HSPBAP1: variants seen among roughly 807,000 people sequenced by gnomAD.
HSPBAP1 encodes the protein HSPB1 associated protein 1, also known as HSPB1-associated protein 1.
In HSPBAP1, 27 loss-of-function variants were observed where a neutral mutation model predicts 45.2. The ratio of observed to expected loss-of-function variants is 0.60; its 90% CI spans 0.44 to 0.82. The LOEUF (loss-of-function observed/expected upper bound fraction) is 0.82. HSPBAP1 is among the 40% of genes least tolerant of loss of function. The probability of loss-of-function intolerance (pLI) is 0.00; values close to 1 mark genes in which losing one functional copy is unlikely to be tolerated. For missense variants in HSPBAP1, 510 were observed against 590.9 expected (o/e 0.86, Z 1.42); for synonymous variants, 204 against 202.7 (o/e 1.01, Z -0.06).
intron 4 of HSPBAP1, among the ~76,000 whole-genome samples, chr3:122,756,987 C>T (rs1160551730): frequency 6.6e-6 from 1 of 152,152 alleles, no homozygotes; most frequent in African/African-American, 2.4e-5. Flanking sequence ...CAGTGTCACT[C>T]ACTGGGGTAG....
chr3:122,771,114 TA>T (rs1380468018), intron 2 of HSPBAP1, among the ~76,000 whole-genome samples: 1 of 152,202 alleles, frequency 6.6e-6, no homozygotes, highest in Non-Finnish European at 1.5e-5. Context: ...ACTAAAAATG[TA>T]AAAATTACAT....
chr3:122,780,314 C>T (rs1576271417), intron 1 of HSPBAP1, among the ~76,000 whole-genome samples: 1 of 97,798 alleles, frequency 1.0e-5, no homozygotes, highest in African/African-American at 4.0e-5. Context: ...CCGGACGGGG[C>T]GGCTGGCCGG....
chr3:122,772,959 C>T (rs1032210349), intron 2 of HSPBAP1, among the ~76,000 whole-genome samples: 2 of 152,048 alleles, frequency 1.3e-5, no homozygotes, highest in African/African-American at 4.8e-5. Context: ...AGCAATCCTC[C>T]TGCCTCAGCT....
intron 3 of HSPBAP1, chr3:122,761,530 G>T (rs1275981191): frequency 2.0e-5 from 3 of 152,242 alleles, no homozygotes; most frequent in Non-Finnish European, 4.4e-5. Context: ...AGCACTCTGG[G>T]AGGCTGAGGT....
chr3:122,750,275 A>G (rs1363063852), intron 6 of HSPBAP1, among the ~76,000 whole-genome samples: 1 of 152,136 alleles, frequency 6.6e-6, no homozygotes, highest in East Asian at 1.9e-4. Flanking sequence ...GCCCGGCCTT[A>G]TGTTACTGTT....
chr3:122,773,909 G>A (rs1043918834), intron 2 of HSPBAP1, among the ~76,000 whole-genome samples: 2 of 152,210 alleles, frequency 1.3e-5, no homozygotes, highest in African/African-American at 4.8e-5. Context: ...AAAGAACTGG[G>A]ATTACAGGCA....
intron 6 of HSPBAP1, among the ~76,000 whole-genome samples, chr3:122,747,731 GC>G (rs1933952180): frequency 1.3e-5 from 2 of 150,714 alleles, no homozygotes; most frequent in South Asian, 4.2e-4. Flanking sequence ...CCTCTGCCCG[GC>G]CAGCCGCCCC....
At chr3:122,755,088 T>A in intron 5 of HSPBAP1, 172 bp downstream of exon 5, 1 of 1,226,548 alleles carries the variant, frequency 8.2e-7, no homozygotes, top group Non-Finnish European at 1.0e-6. Flanking sequence ...AGCAGAGGTG[T>A]ATGTGTCTGA....
At chr3:122,747,260 C>T (rs1933910063) in intron 6 of HSPBAP1, among the ~76,000 whole-genome samples, 1 of 151,476 alleles carries the variant, frequency 6.6e-6, no homozygotes, top group Non-Finnish European at 1.5e-5. Context: ...GCGTCTCTGC[C>T]CGGCCGCCCA....
intron 2 of HSPBAP1, among the ~76,000 whole-genome samples, chr3:122,774,585 A>C (rs1319311148): frequency 6.6e-6 from 1 of 152,212 alleles, no homozygotes; most frequent in Non-Finnish European, 1.5e-5. Context: ...GCAGAGAAAT[A>C]AGATTAGATT....
At chr3:122,774,721 G>A (rs975642603) in intron 2 of HSPBAP1, among the ~76,000 whole-genome samples, 2 of 152,150 alleles carry the variant, frequency 1.3e-5, no homozygotes, top group African/African-American at 2.4e-5. Context: ...GCAGGGTAAC[G>A]CCCACTAGAG....
Position 122,793,591 on chromosome 3 carries a change from G to C in HSPBAP1, c.64+26C>G, listed in dbSNP as rs370847336. 4.2e-5 allele frequency: 68 copies of C among 1,610,772 alleles called. 1 individual carries two copies. In the East Asian group the frequency reaches 6.5e-4, roughly 15 times the overall value. On this transcript the variant is annotated intron_variant, in intron 1 of 7. Transcript: ENST00000306103. ...TCAACTGGCATTGGGTTTGTACTCA[G>C]GGTCGGACCTCAGCCTGGCACCTAC...
Position 122,740,283 on chromosome 3 carries a change from G to T in HSPBAP1, c.*62C>A. The T allele has an allele frequency of 9.7e-7, 1 of 1,029,424 alleles. No homozygotes were observed. Among genetic ancestry groups the T allele is most frequent in the Non-Finnish European group, 1.3e-6 (1 of 751,468 alleles). 63.8% of individuals were successfully genotyped at this position (1,029,424 alleles called of 1,614,324 possible). On this transcript the variant is annotated 3_prime_UTR_variant, in exon 8 of 8. Coordinates refer to ENST00000306103, the MANE Select transcript of HSPBAP1 (RefSeq NM_024610.6). ...CTTTTGCTGGTTCATCTTTATTTTA[G>T]TCATACTACTTAAAAATATATATTT...
chr3:122,790,384 C>G (rs1165716164), intron 1 of HSPBAP1, among the ~76,000 whole-genome samples: 2 of 152,152 alleles, frequency 1.3e-5, no homozygotes, highest in African/African-American at 4.8e-5. Flanking sequence ...GGTATCCTCA[C>G]CTGGCTCATC....
intron 6 of HSPBAP1, among the ~76,000 whole-genome samples, chr3:122,747,804 A>C (rs1296953951): frequency 6.8e-6 from 1 of 147,220 alleles, no homozygotes; most frequent in Non-Finnish European, 1.5e-5. Context: ...CCGGGAGGTG[A>C]GGGGCGCCTC....
chr3:122,793,057 T>C (rs1935885522), intron 1 of HSPBAP1, among the ~76,000 whole-genome samples: 1 of 152,124 alleles, frequency 6.6e-6, no homozygotes, highest in Non-Finnish European at 1.5e-5. Context: ...TAGGCTCCTT[T>C]GGAAAAGGTA....
intron 1 of HSPBAP1, among the ~76,000 whole-genome samples, chr3:122,782,303 T>C (rs1325277956): frequency 6.6e-6 from 1 of 152,196 alleles, no homozygotes; most frequent in Non-Finnish European, 1.5e-5. Context: ...AAAGATGTAC[T>C]TAGATGGCAA....
At position 122,793,815 on chromosome 3, in the gene HSPBAP1, G is replaced by A; in HGVS notation, c.-135C>T. On this transcript the variant is annotated 5_prime_UTR_variant, in exon 1 of 8. Transcript: ENST00000306103. The stretch of plus-strand genomic sequence containing the variant: ...CGGCGACTCCCGCCCGGCTCCTACG[G>A]AAACGCCGGCTCTCACGTGGAGGTC... The A allele has an allele frequency of 1.4e-6, 1 of 717,672 alleles. No homozygotes were observed. The highest frequency in any genetic ancestry group is 1.7e-5 in the South Asian group (1 of 57,986). The allele number at this position is 717,672 out of a possible 1,614,324, so 44.5% of individuals were successfully genotyped here.
chr3:122,771,294 G>C (rs1159862157), intron 2 of HSPBAP1, among the ~76,000 whole-genome samples: 2 of 152,146 alleles, frequency 1.3e-5, no homozygotes, highest in African/African-American at 4.8e-5. Flanking sequence ...GGGTAGTACA[G>C]TTGTTATTCT....
Sources: allele counts gnomAD v4.1 joint callset (sites outside exome capture counted in the v4.1 genomes callset), GRCh38; gene constraint gnomAD v4.1.1; transcripts MANE v1.5; gene names NCBI Gene and HGNC (gene_info 2026-07-23, HGNC 2026-07-21).